The following RGS6 variants were observed in gnomAD, a reference collection of about 807,000 sequenced individuals.
The protein encoded by RGS6 is regulator of G-protein signaling 6.
RGS6 carries 30 observed loss-of-function variants against 78.5 expected under a neutral mutation model. The ratio of observed to expected loss-of-function variants is 0.38; its 90% confidence interval spans 0.29 to 0.52. The LOEUF (loss-of-function observed/expected upper bound fraction) is 0.52. Ranked by LOEUF, RGS6 falls within the 20% of genes least tolerant of loss-of-function variation. RGS6 has a pLI of 0.85. For synonymous variants in RGS6, 206 were observed against 206.0 expected, an observed-to-expected ratio of 1.00 and a Z score of 0.00; for missense variants, 495 against 609.7, an observed-to-expected ratio of 0.81 and a Z score of 1.98.
intron 2 of RGS6, among the ~76,000 whole-genome samples, chr14:72,208,047 G>C (rs60179178): frequency 6.6e-6 from 1 of 152,110 alleles, no homozygotes. Flanking sequence ...TTTGGTTGAA[G>C]TTGGTTCTAC....
intron 2 of RGS6, among the ~76,000 whole-genome samples, chr14:71,992,193 G>A (rs538785029): frequency 2.0e-5 from 3 of 152,176 alleles, no homozygotes; most frequent in South Asian, 2.1e-4. Flanking sequence ...GCCATGCTTG[G>A]CTAATTTTTT....
At chr14:72,198,966 C>T (rs1403678429) in intron 2 of RGS6, among the ~76,000 whole-genome samples, 1 of 152,186 alleles carries the variant, frequency 6.6e-6, no homozygotes, top group East Asian at 1.9e-4. Context: ...TTTAAGCAAT[C>T]CAGTGTTTAT....
At chr14:72,594,365 T>C in the RGS6 span, 1 of 152,196 alleles carries the variant, frequency 6.6e-6, no homozygotes, top group Non-Finnish European at 1.5e-5. Context: ...AGTCGTAGAC[T>C]GCAAAGGAAA....
intron 2 of RGS6, among the ~76,000 whole-genome samples, chr14:72,271,966 G>A (rs2060017352): frequency 2.1e-5 from 3 of 146,096 alleles, no homozygotes; most frequent in Non-Finnish European, 4.5e-5. Flanking sequence ...TAAGGACTCT[G>A]TGATGGCACT....
At chr14:72,271,002 A>T (rs1220497901) in intron 2 of RGS6, among the ~76,000 whole-genome samples, 1 of 152,234 alleles carries the variant, frequency 6.6e-6, no homozygotes, top group African/African-American at 2.4e-5. Context: ...TAAAAAGATG[A>T]GCAAATTGTG....
chr14:72,301,774 C>G (rs1188745813), intron 2 of RGS6, among the ~76,000 whole-genome samples: 3 of 152,130 alleles, frequency 2.0e-5, no homozygotes, highest in African/African-American at 7.2e-5. Context: ...GCATCTCTCC[C>G]ACCTCTGCCC....
chr14:72,103,129 A>T (rs1386420995), intron 2 of RGS6, among the ~76,000 whole-genome samples: 1 of 152,226 alleles, frequency 6.6e-6, no homozygotes, highest in Non-Finnish European at 1.5e-5. Context: ...GTCTCTCAGG[A>T]AGCTAGGCCT....
chr14:72,015,655 A>T (rs2086794333), intron 2 of RGS6, among the ~76,000 whole-genome samples: 1 of 152,236 alleles, frequency 6.6e-6, no homozygotes, highest in Non-Finnish European at 1.5e-5. Flanking sequence ...GCACATTTTA[A>T]CTTAGTGGAC....
chr14:72,336,740 A>G (rs1216740268), intron 2 of RGS6, among the ~76,000 whole-genome samples: 3 of 152,196 alleles, frequency 2.0e-5, no homozygotes, highest in African/African-American at 4.8e-5. Flanking sequence ...GTAACAGACA[A>G]TTATTAACTA....
At chr14:72,255,671 C>T (rs1248179218) in intron 2 of RGS6, among the ~76,000 whole-genome samples, 9 of 152,154 alleles carry the variant, frequency 5.9e-5, no homozygotes, top group Non-Finnish European at 2.9e-5. Context: ...TTCGTGAGGG[C>T]TTCAAAGAGG....
chr14:72,476,936 T>A lies in RGS6; in HGVS notation c.792+96T>A, dbSNP rs193066623. On this transcript the variant is annotated intron_variant, in intron 11 of 17. Coordinates refer to ENST00000553525, the MANE Select transcript of RGS6 (RefSeq NM_001204424.2). Reference sequence around the variant, plus strand: ...CTCTGAAGATTGAGCAAGCTTTGAGTTCCTGGAAACCACAGTGGAACCCAG... The same window carrying A: ...CTCTGAAGATTGAGCAAGCTTTGAGATCCTGGAAACCACAGTGGAACCCAG... 1,225 of 1,135,886 alleles carry A rather than the reference T, an allele frequency of 1.1e-3. 3 individuals carry two copies. Among genetic ancestry groups the A allele is most frequent in the East Asian group, 1.8e-3 (70 of 39,804 alleles). 70.4% of individuals were successfully genotyped at this position (1,135,886 alleles called of 1,614,324 possible).
At chr14:72,152,144 G>T (rs973680539) in intron 2 of RGS6, among the ~76,000 whole-genome samples, 2 of 152,100 alleles carry the variant, frequency 1.3e-5, no homozygotes, top group South Asian at 4.2e-4. Flanking sequence ...AACTGTAGAA[G>T]AAGAGTTGGA....
At chr14:72,215,454 T>G (rs1200190927) in intron 2 of RGS6, among the ~76,000 whole-genome samples, 1 of 152,174 alleles carries the variant, frequency 6.6e-6, no homozygotes, top group Non-Finnish European at 1.5e-5. Context: ...CAAGGCCATT[T>G]TTTTTACTTT....
intron 2 of RGS6, among the ~76,000 whole-genome samples, chr14:72,320,066 A>G (rs193170893): frequency 2.0e-5 from 3 of 152,320 alleles, no homozygotes; most frequent in Admixed American, 1.3e-4. Context: ...AGTAACCTAT[A>G]CAAGACCACA....
At chr14:72,458,246 C>G (rs773926597) in intron 4 of RGS6, 25 bp from the exon 5 acceptor site, 2 of 1,557,762 alleles carry the variant, frequency 1.3e-6, no homozygotes, top group Admixed American at 1.8e-5. Flanking sequence ...CTAATTCCTT[C>G]TCTCTCTATG....
chr14:72,077,487 A>G (rs2094623633), intron 2 of RGS6, among the ~76,000 whole-genome samples: 1 of 152,080 alleles, frequency 6.6e-6, no homozygotes, highest in Non-Finnish European at 1.5e-5. Context: ...CTTTGATGGC[A>G]TGCATTGAAA....
chr14:72,005,251 G>A (rs1405120000), intron 2 of RGS6, among the ~76,000 whole-genome samples: 5 of 152,030 alleles, frequency 3.3e-5, no homozygotes, highest in Non-Finnish European at 5.9e-5. Context: ...GATGTTAATG[G>A]TAAACAGTGT....
At chr14:72,593,713 A>G in the RGS6 span, among the ~76,000 whole-genome samples, 2 of 152,132 alleles carry the variant, frequency 1.3e-5, no homozygotes, top group African/African-American at 4.8e-5. Flanking sequence ...TATCCACTGT[A>G]TAACTCTTAT....
In RGS6 at chr14:72,562,377, G is replaced by A. The variant is rs189699065; in HGVS notation, c.1423-40G>A. The A allele has an allele frequency of 2.1e-4, 333 of 1,590,390 alleles. No homozygotes were observed. The African/African-American group carries it at 4.1e-3, about 19-fold the overall frequency. ...GCTCTCTGTCTCTGTCCCTCTGTGT[G>A]TGCGCCTGTGCGTGCCTCTCTGTCG... is the stretch of plus-strand genomic sequence containing the variant. On this transcript the variant is annotated intron_variant, in intron 17 of 17. Transcript: ENST00000553525.
Sources: allele counts gnomAD v4.1 joint callset (sites outside exome capture counted in the v4.1 genomes callset), GRCh38; gene constraint gnomAD v4.1.1; transcripts MANE v1.5; gene names NCBI Gene and HGNC (gene_info 2026-07-23, HGNC 2026-07-21).